The following CSMD1 variants were observed in gnomAD, a reference collection of about 807,000 sequenced individuals.
The protein encoded by CSMD1 is CUB and sushi domain-containing protein 1.
In CSMD1, 213 loss-of-function variants were observed where a neutral mutation model predicts 417.5. The observed-to-expected ratio is 0.51, with a 90% CI of 0.46 to 0.57. The LOEUF (loss-of-function observed/expected upper bound fraction) is 0.57. Among genes scored for constraint, CSMD1 ranks in the 20% least tolerant of loss-of-function variants. The pLI, the probability that CSMD1 is intolerant of heterozygous loss-of-function variation, is 0.00. For synonymous variants in CSMD1, 2,862 were observed against 1,736.8 expected, an observed-to-expected ratio of 1.65 and a Z score of -16.11; for missense variants, 6,923 against 4,529.7, an observed-to-expected ratio of 1.53 and a Z score of -15.17.
intron 1 of CSMD1, among the ~76,000 whole-genome samples, chr8:4,791,424 A>T: frequency 6.6e-6 from 1 of 152,038 alleles, no homozygotes; most frequent in East Asian, 1.9e-4. Flanking sequence ...TGTGGGTGGG[A>T]CCCCATCCCT....
intron 3 of CSMD1, among the ~76,000 whole-genome samples, chr8:4,259,067 T>G (rs117935263): frequency 2.0e-5 from 3 of 152,180 alleles, no homozygotes; most frequent in Non-Finnish European, 2.9e-5. Flanking sequence ...GCTTTGAGTT[T>G]GAACGCTGAT....
intron 30 of CSMD1, among the ~76,000 whole-genome samples, chr8:3,212,644 A>C (rs926090087): frequency 1.3e-5 from 2 of 151,402 alleles, no homozygotes; most frequent in Admixed American, 6.6e-5. Context: ...GTGAGCCACT[A>C]CACCTGGCCT....
At chr8:3,454,940 C>T (rs1197824023) in intron 12 of CSMD1, among the ~76,000 whole-genome samples, 4 of 152,202 alleles carry the variant, frequency 2.6e-5, no homozygotes, top group Non-Finnish European at 4.4e-5. Context: ...CCGTCACTTT[C>T]AGGTACACCA....
At chr8:3,187,627 T>G (rs1303427282) in intron 36 of CSMD1, among the ~76,000 whole-genome samples, 2 of 152,168 alleles carry the variant, frequency 1.3e-5, no homozygotes, top group Middle Eastern at 3.2e-3. Flanking sequence ...CTGCCGCATG[T>G]CAAAGCTCTG....
chr8:4,864,510 G>GT (rs1453949870), intron 1 of CSMD1, among the ~76,000 whole-genome samples: 1 of 151,578 alleles, frequency 6.6e-6, no homozygotes, highest in Admixed American at 6.6e-5. Context: ...TTTCTATTTA[G>GT]TTTTTGCATA....
At chr8:3,787,326 A>G (rs754523660) in intron 5 of CSMD1, among the ~76,000 whole-genome samples, 5 of 152,232 alleles carry the variant, frequency 3.3e-5, no homozygotes, top group Non-Finnish European at 7.3e-5. Context: ...TTGGAAAGCT[A>G]TAGAGAAAAC....
At chr8:3,782,182 T>C (rs1000834219) in intron 5 of CSMD1, among the ~76,000 whole-genome samples, 14 of 152,206 alleles carry the variant, frequency 9.2e-5, no homozygotes, top group African/African-American at 3.4e-4. Context: ...GAAGTTCATG[T>C]CACATGAAAA....
chr8:4,696,395 A>T (rs972786519), intron 1 of CSMD1, among the ~76,000 whole-genome samples: 7 of 152,152 alleles, frequency 4.6e-5, no homozygotes, highest in African/African-American at 1.7e-4. Flanking sequence ...AAGAATTTTA[A>T]CTCTTTATCA....
chr8:3,069,755 C>T (rs1266885823), intron 49 of CSMD1, among the ~76,000 whole-genome samples: 1 of 152,194 alleles, frequency 6.6e-6, no homozygotes, highest in Non-Finnish European at 1.5e-5. Context: ...CACAGCTCCA[C>T]TAAGCAGTGC....
chr8:4,226,791 C>A lies in CSMD1; in HGVS notation c.415+193162G>T, dbSNP rs182583813. Among the ~76,000 whole-genome samples the A allele has an allele frequency of 3.3e-5, 5 of 152,268 alleles. No homozygotes were observed. In the East Asian group the frequency reaches 7.7e-4, roughly 23 times the overall value. Reference sequence around the variant, plus strand: ...ATTTAAGAAAAAAACAAAAACTCTGCCCCATTAGTGCAAGAGTAAAGTTGG... The same window carrying A: ...ATTTAAGAAAAAAACAAAAACTCTGACCCATTAGTGCAAGAGTAAAGTTGG... On this transcript the variant is annotated intron_variant, in intron 3 of 69. Transcript: ENST00000635120.
intron 5 of CSMD1, among the ~76,000 whole-genome samples, chr8:3,852,302 G>C (rs1803966119): frequency 6.6e-6 from 1 of 152,084 alleles, no homozygotes; most frequent in African/African-American, 2.4e-5. Flanking sequence ...CCCAGAATCA[G>C]AGGTGGGGTT....
intron 1 of CSMD1, among the ~76,000 whole-genome samples, chr8:4,874,716 T>G (rs1802942059): frequency 6.6e-6 from 1 of 151,798 alleles, no homozygotes; most frequent in Non-Finnish European, 1.5e-5. Flanking sequence ...ATTTTTGAAT[T>G]ATATCTGAAT....
At chr8:3,919,554 A>T (rs763838087) in intron 5 of CSMD1, among the ~76,000 whole-genome samples, 1 of 152,044 alleles carries the variant, frequency 6.6e-6, no homozygotes, top group South Asian at 2.1e-4. Flanking sequence ...ATATAATTTG[A>T]TATCAGGACA....
chr8:4,005,738 G>A (rs1001553083), intron 4 of CSMD1, among the ~76,000 whole-genome samples: 4 of 152,114 alleles, frequency 2.6e-5, no homozygotes, highest in African/African-American at 7.2e-5. Flanking sequence ...CTAAATATGT[G>A]GAAGTGAGTT....
At position 4,260,106 on chromosome 8, in the gene CSMD1, C is replaced by T. The variant is rs150611323; in HGVS notation, c.415+159847G>A. Among the ~76,000 whole-genome samples the T allele has an allele frequency of 5.8e-3, 882 of 152,090 alleles. 8 individuals carry two copies. The highest frequency in any genetic ancestry group is 0.02 in the African/African-American group (841 of 41,470). On this transcript the variant is annotated intron_variant, in intron 3 of 69. Coordinates refer to ENST00000635120, the MANE Select transcript of CSMD1 (RefSeq NM_033225.6). ...ATCCATTTTACTAGAAATTGCTAGA[C>T]TCTTCAACAAATTGCTAAGTCAATG...
intron 7 of CSMD1, among the ~76,000 whole-genome samples, chr8:3,625,820 G>T (rs1369322289): frequency 6.6e-6 from 1 of 151,918 alleles, no homozygotes; most frequent in Non-Finnish European, 1.5e-5. Context: ...GCCTGCCCTA[G>T]GTTATTTTTC....
chr8:3,012,999 C>T (rs1808519519), intron 52 of CSMD1, among the ~76,000 whole-genome samples: 2 of 152,190 alleles, frequency 1.3e-5, no homozygotes, highest in South Asian at 4.1e-4. Context: ...TGCCTGTCAC[C>T]ATGTAAGATG....
chr8:3,843,715 G>C (rs993929270), intron 5 of CSMD1, among the ~76,000 whole-genome samples: 1 of 152,176 alleles, frequency 6.6e-6, no homozygotes, highest in African/African-American at 2.4e-5. Context: ...CCTAGTTTGA[G>C]CACTGAAAGG....
intron 10 of CSMD1, among the ~76,000 whole-genome samples, chr8:3,546,074 T>C (rs1798647074): frequency 6.6e-6 from 1 of 152,344 alleles, no homozygotes; most frequent in Non-Finnish European, 1.5e-5. Context: ...TTAACAGCCC[T>C]TGCTAACAAA....
Sources: allele counts gnomAD v4.1 joint callset (sites outside exome capture counted in the v4.1 genomes callset), GRCh38; gene constraint gnomAD v4.1.1; transcripts MANE v1.5; gene names NCBI Gene and HGNC (gene_info 2026-07-23, HGNC 2026-07-21).